Variants in PCDH11X observed in about 807,000 individuals in gnomAD.
The protein encoded by PCDH11X is protocadherin-11 X-linked.
PCDH11X carries 18 observed loss-of-function variants against 53.3 expected under a neutral mutation model. The observed-to-expected ratio is 0.34, with a 90% CI of 0.23 to 0.50. PCDH11X has a LOEUF of 0.50. PCDH11X is among the 20% of genes least tolerant of loss of function. The probability of loss-of-function intolerance (pLI) is 0.98; values close to 1 mark genes in which losing one functional copy is unlikely to be tolerated. For missense variants in PCDH11X, 570 were observed against 1,032.4 expected (o/e 0.55, Z 6.14); for synonymous variants, 279 against 393.3 (o/e 0.71, Z 3.44).
At chrX:92,412,684 A>G (rs1470017881) in intron 9 of PCDH11X, among the ~76,000 whole-genome samples, 1 of 105,165 alleles carries the variant, frequency 9.5e-6, no homozygotes, top group Non-Finnish European at 2.0e-5. Flanking sequence ...TAGTACCTTC[A>G]TTTAAAGATT....
At chrX:91,935,610 G>T (rs889564279) in intron 6 of PCDH11X, among the ~76,000 whole-genome samples, 1 of 107,356 alleles carries the variant, frequency 9.3e-6, no homozygotes, top group African/African-American at 3.4e-5. Context: ...AAACCAAAAA[G>T]TACCTGAGAC....
At chrX:92,575,972 T>G (rs1602367296) in intron 10 of PCDH11X, among the ~76,000 whole-genome samples, 1 of 29,727 alleles carries the variant, frequency 3.4e-5, no homozygotes, top group Non-Finnish European at 5.6e-5. Flanking sequence ...CACACACACC[T>G]GGGGTGTATA....
intron 7 of PCDH11X, among the ~76,000 whole-genome samples, chrX:92,230,572 TAA>T (rs1491511924): frequency 1.1e-5 from 1 of 94,828 alleles, no homozygotes; most frequent in Non-Finnish European, 2.0e-5. Flanking sequence ...AATACATATA[TAA>T]TATATATAAT....
intron 8 of PCDH11X, among the ~76,000 whole-genome samples, chrX:92,300,644 A>G (rs2068702431): frequency 9.1e-6 from 1 of 109,956 alleles, no homozygotes. Flanking sequence ...TGCCCAGGTA[A>G]TTTTTTGTAT....
intron 10 of PCDH11X, among the ~76,000 whole-genome samples, chrX:92,550,130 C>A (rs959708891): frequency 9.0e-6 from 1 of 110,538 alleles, no homozygotes; most frequent in Non-Finnish European, 1.9e-5. Context: ...CTAGTAACCG[C>A]AATTCTACTC....
intron 9 of PCDH11X, among the ~76,000 whole-genome samples, chrX:92,420,192 C>A (rs1027385293): frequency 1.8e-5 from 2 of 111,679 alleles, no homozygotes; most frequent in Non-Finnish European, 3.8e-5. Flanking sequence ...TTTATCTTTT[C>A]CCACAAACCT....
At chrX:92,173,912 G>A (rs1336211936) in intron 6 of PCDH11X, among the ~76,000 whole-genome samples, 1 of 101,787 alleles carries the variant, frequency 9.8e-6, no homozygotes, top group Non-Finnish European at 2.0e-5. Flanking sequence ...CTGAGCCTGG[G>A]AGGTCAAGGT....
intron 6 of PCDH11X, among the ~76,000 whole-genome samples, chrX:91,901,172 A>G (rs1426914863): frequency 1.4e-4 from 16 of 111,403 alleles, no homozygotes; most frequent in Non-Finnish European, 1.9e-5. Context: ...AAATTAAATT[A>G]GATAACCTAT....
chrX:92,180,743 T>C (rs776743171), intron 6 of PCDH11X, among the ~76,000 whole-genome samples: 123 of 112,027 alleles, frequency 1.1e-3, no homozygotes, highest in Non-Finnish European at 1.8e-3. Context: ...GGAGTTCCCC[T>C]GCACAAGCTC....
At chrX:92,107,722 A>G (rs1219826494) in intron 6 of PCDH11X, among the ~76,000 whole-genome samples, 1 of 111,958 alleles carries the variant, frequency 8.9e-6, no homozygotes, top group African/African-American at 3.3e-5. Context: ...TCTTAAATGT[A>G]TTTGATTGAT....
chrX:91,830,902 T>C lies in PCDH11X; in HGVS notation c.-44-4559T>C, dbSNP rs1394043521. On this transcript the variant is annotated intron_variant, in intron 4 of 10. Coordinates refer to ENST00000682573, the MANE Select transcript of PCDH11X (RefSeq NM_032968.5). ...TTTGTTGTTCTAGCATATGATTCAGTAATTCACATAGAATTCATTTAAATA... is the reference window on the plus strand; with the variant it reads ...TTTGTTGTTCTAGCATATGATTCAGCAATTCACATAGAATTCATTTAAATA... Among the ~76,000 whole-genome samples, 3 of 111,685 alleles carry C rather than the reference T, an allele frequency of 2.7e-5. No homozygotes were observed. In the Admixed American group the frequency reaches 2.9e-4, roughly 11 times the overall value.
rs140764663 is a variant in PCDH11X, at chrX:92,181,705, G to T, written c.3034-19670G>T. Among the ~76,000 whole-genome samples, 696 of 112,578 alleles carry T rather than the reference G, an allele frequency of 6.2e-3. 4 individuals are homozygous for T. The highest frequency in any genetic ancestry group is 0.021 in the African/African-American group (664 of 31,064). On this transcript the variant is annotated intron_variant, in intron 6 of 10. Coordinates refer to ENST00000682573, the MANE Select transcript of PCDH11X (RefSeq NM_032968.5). ...GGGGCAAAGGTACAGCTCAAGGCAT[G>T]GCTTCAGAGGGTGCAAGCCCTAAGC...
At chrX:92,239,051 T>C (rs932065391) in intron 7 of PCDH11X, among the ~76,000 whole-genome samples, 1 of 111,709 alleles carries the variant, frequency 9.0e-6, no homozygotes, top group African/African-American at 3.2e-5. Context: ...TGCCAGATAT[T>C]ATCAGCCTTT....
chrX:91,978,593 G>A (rs1184678190), intron 6 of PCDH11X, among the ~76,000 whole-genome samples: 1 of 110,539 alleles, frequency 9.0e-6, no homozygotes, highest in Non-Finnish European at 1.9e-5. Context: ...ATAGGTGAAA[G>A]AGGAATCTCC....
At chrX:92,343,148 C>T (rs1336625891) in intron 8 of PCDH11X, among the ~76,000 whole-genome samples, 1 of 112,169 alleles carries the variant, frequency 8.9e-6, no homozygotes, top group Admixed American at 9.5e-5. Context: ...GGACAGCCTT[C>T]AGGCAAAGTC....
chrX:91,840,291 G>A (rs1160267127), intron 5 of PCDH11X, among the ~76,000 whole-genome samples: 3 of 111,730 alleles, frequency 2.7e-5, no homozygotes, highest in African/African-American at 6.5e-5. Context: ...ACAGTGTGCT[G>A]ATTGATTTCC....
intron 7 of PCDH11X, among the ~76,000 whole-genome samples, chrX:92,258,433 T>C (rs1359431500): frequency 9.4e-6 from 1 of 106,571 alleles, no homozygotes; most frequent in Non-Finnish European, 1.9e-5. Flanking sequence ...AGTGGCTCGA[T>C]CTCGGCTCGC....
intron 6 of PCDH11X, among the ~76,000 whole-genome samples, chrX:92,093,826 T>A (rs2064087762): frequency 9.0e-6 from 1 of 110,850 alleles, no homozygotes; most frequent in African/African-American, 3.3e-5. Context: ...TTCCAGTGTA[T>A]CAGCATTTGT....
At chrX:92,056,580 G>T (rs1451372394) in intron 6 of PCDH11X, among the ~76,000 whole-genome samples, 1 of 110,029 alleles carries the variant, frequency 9.1e-6, no homozygotes, top group Non-Finnish European at 1.9e-5. Context: ...AATTACTTTT[G>T]ACATCTTTGT....
Sources: gnomAD v4.1 joint callset for allele counts (sites outside exome capture counted in the v4.1 genomes callset) on GRCh38, gnomAD v4.1.1 for gene constraint, MANE v1.5 for transcripts, NCBI Gene and HGNC (gene_info 2026-07-23, HGNC 2026-07-21) for gene names.